SYT14: variants seen among roughly 807,000 people sequenced by gnomAD.
SYT14 encodes the protein synaptotagmin-14.
Under a neutral mutation model 74.2 loss-of-function variants are expected in SYT14, and 32 were observed. The ratio of observed to expected loss-of-function variants is 0.43; its 90% CI spans 0.33 to 0.58. The LOEUF (loss-of-function observed/expected upper bound fraction) is 0.58. Ranked by LOEUF, SYT14 falls within the 20% of genes least tolerant of loss-of-function variation. The pLI, the probability that SYT14 is intolerant of heterozygous loss-of-function variation, is 0.05. For missense variants in SYT14, 791 were observed against 981.8 expected, an observed-to-expected ratio of 0.81 and a Z score of 2.60; for synonymous variants, 298 against 337.7, an observed-to-expected ratio of 0.88 and a Z score of 1.29.
At chr1:210,139,268 T>TC (rs1024022527) in intron 7 of SYT14, among the ~76,000 whole-genome samples, 4 of 130,954 alleles carry the variant, frequency 3.1e-5, no homozygotes, top group African/African-American at 1.0e-4. Context: ...CTTTTTTCTT[T>TC]TTTTTTTTTT....
intron 7 of SYT14, among the ~76,000 whole-genome samples, chr1:210,116,660 T>C (rs2082367292): frequency 6.6e-6 from 1 of 152,210 alleles, no homozygotes; most frequent in Admixed American, 6.5e-5. Flanking sequence ...ACTCATTGTT[T>C]TATATCTTAA....
chr1:209,994,077 A>T (rs1188851920), intron 2 of SYT14, among the ~76,000 whole-genome samples: 1 of 152,146 alleles, frequency 6.6e-6, no homozygotes, highest in Non-Finnish European at 1.5e-5. Flanking sequence ...AACTCTGGCA[A>T]TTCAAAAAGC....
intron 7 of SYT14, among the ~76,000 whole-genome samples, chr1:210,120,499 A>C (rs1239452767): frequency 6.6e-6 from 1 of 151,998 alleles, no homozygotes; most frequent in Non-Finnish European, 1.5e-5. Flanking sequence ...TATATGTTCA[A>C]ATATGCTTAG....
chr1:209,952,988 A>G, intron 2 of SYT14: 4 of 1,403,956 alleles, frequency 2.8e-6, no homozygotes, highest in South Asian at 2.5e-5. Context: ...CCTGGTTTCT[A>G]GCATATTGGT....
intron 5 of SYT14, among the ~76,000 whole-genome samples, chr1:210,038,809 T>C (rs1401185880): frequency 6.6e-6 from 1 of 152,122 alleles, no homozygotes; most frequent in Non-Finnish European, 1.5e-5. Flanking sequence ...ATTTCCTTTA[T>C]AGGTGTTTAG....
At chr1:209,938,327 C>CG (rs760681767) in intron 1 of SYT14, 50 bp downstream of exon 1, 11 of 1,519,794 alleles carry the variant, frequency 7.2e-6, no homozygotes, top group Middle Eastern at 1.8e-4. Context: ...ACCCAGCTGG[C>CG]GGGGGGCTCG....
chr1:210,077,245 T>TG (rs1031284971), intron 5 of SYT14, among the ~76,000 whole-genome samples: 13 of 151,872 alleles, frequency 8.6e-5, no homozygotes, highest in Middle Eastern at 3.4e-3. Flanking sequence ...AGAGAGTCGG[T>TG]GGGGGGGAGA....
At chr1:210,066,480 A>G in intron 5 of SYT14, among the ~76,000 whole-genome samples, 1 of 152,198 alleles carries the variant, frequency 6.6e-6, no homozygotes, top group East Asian at 1.9e-4. Context: ...ATGGCCAGTG[A>G]TGATGAGCAT....
At chr1:210,044,517 G>A (rs931020767) in intron 5 of SYT14, among the ~76,000 whole-genome samples, 2 of 152,158 alleles carry the variant, frequency 1.3e-5, no homozygotes, top group African/African-American at 4.8e-5. Flanking sequence ...TCTTGTTTCA[G>A]CATCGAAACT....
chr1:210,011,155 T>C (rs2080079492), intron 2 of SYT14, among the ~76,000 whole-genome samples: 1 of 152,152 alleles, frequency 6.6e-6, no homozygotes, highest in Non-Finnish European at 1.5e-5. Flanking sequence ...GGAACTCCTA[T>C]ATATATTTTG....
Position 209,999,666 on chromosome 1 carries a change from T to G in SYT14, c.-485-13967T>G, listed in dbSNP as rs183312669. On this transcript the variant is annotated intron_variant, in intron 2 of 9. Transcript: ENST00000637265. ...AAGCCAGACACACACAGAAAGACAT[T>G]GTATGCTCTCACTCATATGTGGGAG... is the stretch of plus-strand genomic sequence containing the variant. Among the ~76,000 whole-genome samples, 52 of 152,186 alleles carry G rather than the reference T, an allele frequency of 3.4e-4. 1 individual carries two copies. Among genetic ancestry groups the G allele is most frequent in the Admixed American group, 3.0e-3 (46 of 15,292 alleles).
At chr1:209,957,219 A>G (rs2079007501) in intron 2 of SYT14, among the ~76,000 whole-genome samples, 1 of 151,684 alleles carries the variant, frequency 6.6e-6, no homozygotes, top group Non-Finnish European at 1.5e-5. Context: ...TTTAGCCCCC[A>G]TTGCTGTCTT....
At position 210,111,775 on chromosome 1, in the gene SYT14, C is replaced by CT. The variant is rs530800121; in HGVS notation, c.2034+11315dup. On this transcript the variant is annotated intron_variant, in intron 7 of 9. Coordinates refer to ENST00000637265, the Ensembl canonical transcript of SYT14. ...TAGGAGAAAAACAGATATTAAAGGA[C>CT]TAAGAATTGGGAGGACCCAGGACAT... Among the ~76,000 whole-genome samples, 171 of 151,340 alleles carry CT rather than the reference C, an allele frequency of 1.1e-3. 9 individuals carry two copies. Among genetic ancestry groups the CT allele is most frequent in the African/African-American group, 4.1e-3 (165 of 40,682 alleles).
At chr1:210,084,200 T>C (rs1337273237) in intron 5 of SYT14, among the ~76,000 whole-genome samples, 1 of 152,232 alleles carries the variant, frequency 6.6e-6, no homozygotes, top group Non-Finnish European at 1.5e-5. Context: ...CTCTGCATGA[T>C]ACTCAAAGCT....
At chr1:210,023,406 C>T (rs372652657) in intron 5 of SYT14, among the ~76,000 whole-genome samples, 11 of 152,268 alleles carry the variant, frequency 7.2e-5, no homozygotes, top group African/African-American at 7.2e-5. Flanking sequence ...TGCAGTGGCA[C>T]GATCTTGGCT....
At chr1:209,961,742 A>G (rs1487211870) in intron 2 of SYT14, among the ~76,000 whole-genome samples, 1 of 151,420 alleles carries the variant, frequency 6.6e-6, no homozygotes, top group Non-Finnish European at 1.5e-5. Flanking sequence ...TTTTTTTTGT[A>G]TGAATTCTGG....
At chr1:210,169,018 C>T (rs1034133604) in exon 10 of SYT14, 4 of 152,060 alleles carry the variant, frequency 2.6e-5, no homozygotes, top group African/African-American at 9.7e-5. Flanking sequence ...ATGTCATATT[C>T]TCTCCTTTTG....
In SYT14 at chr1:210,013,733, T is replaced by C. The variant is rs1354659900; in HGVS notation, c.-385T>C. 27 of 1,612,918 alleles carry C rather than the reference T, an allele frequency of 1.7e-5. No individual in the cohort carries two copies. The Admixed American group carries it at 2.5e-4, about 15-fold the overall frequency. ...TTAATAAGAAGTTCTGTTTTGAAAATGTTGGCGGGTTTCCAGATCTTGGTT... is the reference window on the plus strand; with the variant it reads ...TTAATAAGAAGTTCTGTTTTGAAAACGTTGGCGGGTTTCCAGATCTTGGTT... On this transcript the variant is annotated 5_prime_UTR_variant, in exon 3 of 10. Transcript: ENST00000637265.
intron 7 of SYT14, among the ~76,000 whole-genome samples, chr1:210,140,209 A>G (rs1452904133): frequency 2.0e-5 from 3 of 152,152 alleles, no homozygotes; most frequent in Non-Finnish European, 4.4e-5. Context: ...CCTAATGACT[A>G]ATGATGTTGA....
Sources: gnomAD v4.1 joint callset for allele counts (sites outside exome capture counted in the v4.1 genomes callset) on GRCh38, gnomAD v4.1.1 for gene constraint, MANE v1.5 for transcripts, NCBI Gene and HGNC (gene_info 2026-07-23, HGNC 2026-07-21) for gene names.